The following EFCAB8 variants were observed in gnomAD, a reference collection of about 807,000 sequenced individuals.
EFCAB8 encodes EF-hand calcium-binding domain-containing protein 8.
In EFCAB8, 100 loss-of-function variants were observed where a neutral mutation model predicts 116.3. The ratio of observed to expected loss-of-function variants is 0.86; its 90% CI spans 0.73 to 1.02. The LOEUF is 1.02. Ranked by LOEUF, EFCAB8 falls within the 50% of genes least tolerant of loss-of-function variation. EFCAB8 has a pLI of 0.00. For missense variants in EFCAB8, 1,320 were observed against 1,416.9 expected (o/e 0.93, Z 1.10); for synonymous variants, 558 against 567.9 (o/e 0.98, Z 0.25).
chr20:32,879,194 G>C lies in EFCAB8; in HGVS notation c.431+387G>C, dbSNP rs112479589. Among the ~76,000 whole-genome samples the C allele has an allele frequency of 6.8e-3, 1,043 of 152,326 alleles. 14 individuals carry two copies. Among genetic ancestry groups the C allele is most frequent in the African/African-American group, 0.024 (998 of 41,574 alleles). Reference sequence around the variant, plus strand: ...CTGGCAGTTTCATCATAGGGGCACAGGTGGCACAGGTGGCCAGCACAGGCA... The same window carrying C: ...CTGGCAGTTTCATCATAGGGGCACACGTGGCACAGGTGGCCAGCACAGGCA... On this transcript the variant is annotated intron_variant, in intron 5 of 26. Coordinates refer to ENST00000400522, the MANE Select transcript of EFCAB8 (RefSeq NM_001143967.2).
intron 3 of EFCAB8, among the ~76,000 whole-genome samples, chr20:32,868,996 A>AGTC: frequency 6.6e-6 from 1 of 151,842 alleles, no homozygotes; most frequent in East Asian, 1.9e-4. Flanking sequence ...AAAAAAAAAA[A>AGTC]GTCGTCAGCT....
intron 22 of EFCAB8, among the ~76,000 whole-genome samples, chr20:32,939,203 CCTCT>C (rs562450932): frequency 0.014 from 695 of 50,952 alleles, 29 homozygotes; most frequent in Middle Eastern, 0.045. Context: ...TTCTTTCTTT[CCTCT>C]CTCTCTCTCT....
rs1044934185 is a variant in EFCAB8 at position 32,889,164 on chromosome 20, T to C, written c.568-137T>C. 13 of 673,940 alleles carry C rather than the reference T, an allele frequency of 1.9e-5. No individual in the cohort carries two copies. In the Admixed American group the frequency reaches 2.8e-4, roughly 14 times the overall value. 41.7% of individuals were successfully genotyped at this position (673,940 alleles called of 1,614,324 possible). A position where few individuals can be genotyped will look rare whatever the true frequency, so the allele number is the denominator to read the frequency against. ...GGAGTTTATCCAAGGCCCCTATCAC[T>C]AGACTTAGTGGTAGTGCTAGGCTCC... On this transcript the variant is annotated intron_variant, in intron 6 of 26. Coordinates refer to ENST00000400522, the MANE Select transcript of EFCAB8 (RefSeq NM_001143967.2).
At chr20:32,862,801 A>G (rs1042563821) in intron 1 of EFCAB8, among the ~76,000 whole-genome samples, 14 of 151,362 alleles carry the variant, frequency 9.2e-5, no homozygotes, top group African/African-American at 3.4e-4. Flanking sequence ...CTAATTTTTT[A>G]TATTTTTAGT....
intron 6 of EFCAB8, among the ~76,000 whole-genome samples, chr20:32,885,869 G>C (rs1165811005): frequency 6.6e-6 from 1 of 152,194 alleles, no homozygotes; most frequent in Non-Finnish European, 1.5e-5. Context: ...TGTCTCACAG[G>C]CCCCTCAAAT....
chr20:32,873,643 A>C (rs1009560184), intron 3 of EFCAB8, among the ~76,000 whole-genome samples: 37 of 151,694 alleles, frequency 2.4e-4, no homozygotes, highest in African/African-American at 8.7e-4. Flanking sequence ...AGGGCGGATC[A>C]CTTGAGGTCA....
At chr20:32,879,395 G>T (rs1380248900) in intron 5 of EFCAB8, among the ~76,000 whole-genome samples, 1 of 152,112 alleles carries the variant, frequency 6.6e-6, no homozygotes, top group Non-Finnish European at 1.5e-5. Flanking sequence ...CCTCCTCCTC[G>T]TGGCTCCTCC....
chr20:32,898,802 C>G (rs73904074), intron 11 of EFCAB8, among the ~76,000 whole-genome samples, 179 bp downstream of exon 11: 2 of 152,168 alleles, frequency 1.3e-5, no homozygotes, highest in East Asian at 3.9e-4. Flanking sequence ...ATCTCCCAAT[C>G]TATATGCAAA....
At chr20:32,954,498 T>A (rs548192983) in intron 23 of EFCAB8, among the ~76,000 whole-genome samples, 1 of 152,364 alleles carries the variant, frequency 6.6e-6, no homozygotes, top group African/African-American at 2.4e-5. Flanking sequence ...TGTCTGTTTT[T>A]ATGCCTGTAC....
chr20:32,937,092 T>G (rs1030446322), intron 22 of EFCAB8, among the ~76,000 whole-genome samples: 2 of 152,098 alleles, frequency 1.3e-5, no homozygotes, highest in African/African-American at 4.8e-5. Flanking sequence ...TATATTGTAT[T>G]TATTTTATTT....
chr20:32,863,248 A>C (rs1984209565), intron 1 of EFCAB8, among the ~76,000 whole-genome samples: 1 of 152,114 alleles, frequency 6.6e-6, no homozygotes, highest in South Asian at 2.1e-4. Flanking sequence ...TCCATCTCAT[A>C]TGGAGGCCTT....
chr20:32,939,696 T>TC (rs905183276), intron 22 of EFCAB8, among the ~76,000 whole-genome samples: 1 of 137,602 alleles, frequency 7.3e-6, no homozygotes, highest in African/African-American at 2.7e-5. Context: ...TCTCTCTCTC[T>TC]TTTTTTTTTC....
intron 22 of EFCAB8, among the ~76,000 whole-genome samples, chr20:32,935,420 G>A (rs558050279): frequency 9.7e-4 from 147 of 151,856 alleles, no homozygotes; most frequent in Non-Finnish European, 1.7e-3. Flanking sequence ...GGCTGGTCCC[G>A]AACTCCTGAC....
intron 22 of EFCAB8, among the ~76,000 whole-genome samples, chr20:32,939,125 C>CTCTTTCTTTTTCTT (rs1988256734): frequency 1.8e-5 from 1 of 56,524 alleles, no homozygotes; most frequent in African/African-American, 6.7e-5. Context: ...CTCTTTCTTT[C>CTCTTTCTTTTTCTT]TCTTTCTTTC....
intron 17 of EFCAB8, among the ~76,000 whole-genome samples, chr20:32,914,204 G>A (rs1320578247): frequency 6.6e-6 from 1 of 152,254 alleles, no homozygotes; most frequent in Non-Finnish European, 1.5e-5. Flanking sequence ...GAGTGGTCAA[G>A]GAGCATGAAG....
intron 5 of EFCAB8, 105 bp from the exon 6 acceptor site, chr20:32,885,400 G>T: frequency 1.4e-6 from 2 of 1,457,848 alleles, no homozygotes; most frequent in Admixed American, 2.3e-5. Context: ...GTGACGCTCC[G>T]CCGGCTTTTG....
At chr20:32,927,322 G>T (rs1172247498) in intron 20 of EFCAB8, among the ~76,000 whole-genome samples, 2 of 151,938 alleles carry the variant, frequency 1.3e-5, no homozygotes, top group East Asian at 3.9e-4. Flanking sequence ...GATTCACCAT[G>T]ATTTGTTTAT....
At chr20:32,930,668 G>T in intron 21 of EFCAB8, 52 bp downstream of exon 21, 2 of 1,516,418 alleles carry the variant, frequency 1.3e-6, no homozygotes, top group South Asian at 1.2e-5. Flanking sequence ...CTAAGTGTTC[G>T]GCCATCTCTT....
chr20:32,882,070 C>G (rs1180684282), intron 5 of EFCAB8, among the ~76,000 whole-genome samples: 1 of 152,108 alleles, frequency 6.6e-6, no homozygotes, highest in Admixed American at 6.5e-5. Flanking sequence ...TGGTGGCAGG[C>G]ACCTGTAATC....
Sources: gnomAD v4.1 joint callset for allele counts (sites outside exome capture counted in the v4.1 genomes callset) on GRCh38, gnomAD v4.1.1 for gene constraint, MANE v1.5 for transcripts, NCBI Gene and HGNC (gene_info 2026-07-23, HGNC 2026-07-21) for gene names.